ASPRV1: variants seen among roughly 807,000 people sequenced by gnomAD.
ASPRV1 encodes the protein aspartic peptidase retroviral like 1.
In ASPRV1, 7 loss-of-function variants were observed where a neutral mutation model predicts 11.0. The ratio of observed to expected loss-of-function variants is 0.64; its 90% CI spans 0.36 to 1.20. The LOEUF is 1.20. Ranked by LOEUF, ASPRV1 falls within the 50% of genes most tolerant of loss-of-function variation. The probability of loss-of-function intolerance (pLI) is 0.02; values close to 1 mark genes in which losing one functional copy is unlikely to be tolerated. For synonymous variants in ASPRV1, 136 were observed against 138.4 expected, an observed-to-expected ratio of 0.98 and a Z score of 0.12; for missense variants, 299 against 320.0, an observed-to-expected ratio of 0.93 and a Z score of 0.50.
chr2:70,083,410 G>C, the ASPRV1 span: 1 of 152,230 alleles, frequency 6.6e-6, no homozygotes, highest in Non-Finnish European at 1.5e-5. Flanking sequence ...AAGGTTTTAC[G>C]TGACATACCA....
the ASPRV1 span, among the ~76,000 whole-genome samples, chr2:70,015,072 C>T: frequency 1.3e-5 from 2 of 152,136 alleles, no homozygotes; most frequent in Non-Finnish European, 2.9e-5. Flanking sequence ...ATCAAAACCA[C>T]AAAGAATTAT....
At chr2:69,948,411 A>G in the ASPRV1 span, among the ~76,000 whole-genome samples, 5 of 152,306 alleles carry the variant, frequency 3.3e-5, no homozygotes, top group South Asian at 2.1e-4. Context: ...CAATACATCC[A>G]TTTGCAGTCG....
the ASPRV1 span, among the ~76,000 whole-genome samples, chr2:70,025,129 T>A: frequency 6.6e-6 from 1 of 152,230 alleles, no homozygotes; most frequent in African/African-American, 2.4e-5. Context: ...CCACTTGTAT[T>A]ATCTCAACAG....
At chr2:70,063,486 G>A in the ASPRV1 span, among the ~76,000 whole-genome samples, 1 of 148,534 alleles carries the variant, frequency 6.7e-6, no homozygotes, top group Non-Finnish European at 1.5e-5. Flanking sequence ...TCCTATGCCT[G>A]GTTCAGTGGG....
chr2:69,961,844 ACTAC>A (rs1278868017), upstream of ASPRV1: 1 of 744,902 alleles, frequency 1.3e-6, no homozygotes, highest in Admixed American at 2.5e-5. Flanking sequence ...TTGAAGGGGG[ACTAC>A]CCTGTACCCT....
At chr2:70,051,076 T>C in the ASPRV1 span, 1 of 152,232 alleles carries the variant, frequency 6.6e-6, no homozygotes, top group Non-Finnish European at 1.5e-5. Flanking sequence ...ATGAGTGCTA[T>C]GTTTCAGTTA....
chr2:69,950,146 A>G, the ASPRV1 span, among the ~76,000 whole-genome samples: 2 of 152,220 alleles, frequency 1.3e-5, no homozygotes, highest in African/African-American at 2.4e-5. Context: ...TGCATAAAAC[A>G]TAAAGGTGCT....
chr2:69,937,202 G>A, the ASPRV1 span: 1 of 1,611,010 alleles, frequency 6.2e-7, no homozygotes, highest in Admixed American at 1.7e-5. Context: ...AGATCTCCCT[G>A]TGGGGCCCAA....
the ASPRV1 span, among the ~76,000 whole-genome samples, chr2:69,952,487 C>A: frequency 7.0e-6 from 1 of 142,230 alleles, no homozygotes. Flanking sequence ...CCTGGCACGA[C>A]ACAGCAAGAT....
At chr2:70,085,300 G>A in the ASPRV1 span, among the ~76,000 whole-genome samples, 1 of 152,234 alleles carries the variant, frequency 6.6e-6, no homozygotes, top group Non-Finnish European at 1.5e-5. Flanking sequence ...CCTCTGGGCA[G>A]GCTGAATCAC....
the ASPRV1 span, chr2:69,935,557 C>G: frequency 1.2e-6 from 1 of 807,348 alleles, no homozygotes; most frequent in African/African-American, 1.7e-5. Flanking sequence ...CTCCCCTGAA[C>G]TCCTCCAGTC....
chr2:69,978,503 C>T, the ASPRV1 span, among the ~76,000 whole-genome samples: 3 of 152,162 alleles, frequency 2.0e-5, no homozygotes, highest in Admixed American at 6.5e-5. Context: ...AGCAGTTATG[C>T]GGATTAAAGG....
the ASPRV1 span, among the ~76,000 whole-genome samples, chr2:70,077,612 G>C: frequency 1.3e-5 from 2 of 152,122 alleles, no homozygotes; most frequent in African/African-American, 2.4e-5. Context: ...CCAGCACTTT[G>C]GGAGGCCGAG....
At chr2:70,032,240 A>T in the ASPRV1 span, 8 of 152,228 alleles carry the variant, frequency 5.3e-5, no homozygotes, top group African/African-American at 1.9e-4. Context: ...TTCTTCTATC[A>T]ACCAGGTCCT....
At chr2:69,943,578 A>C in the ASPRV1 span, among the ~76,000 whole-genome samples, 13 of 152,202 alleles carry the variant, frequency 8.5e-5, no homozygotes, top group Non-Finnish European at 5.9e-5. Flanking sequence ...CTGAGAGGAG[A>C]GAGGCATTGG....
the ASPRV1 span, among the ~76,000 whole-genome samples, chr2:69,943,510 C>A: frequency 6.6e-6 from 1 of 152,054 alleles, no homozygotes; most frequent in African/African-American, 2.4e-5. Flanking sequence ...CGTGGGGCTG[C>A]GGTGTGGCCT....
chr2:70,043,164 T>G, the ASPRV1 span, among the ~76,000 whole-genome samples: 1 of 152,180 alleles, frequency 6.6e-6, no homozygotes, highest in Non-Finnish European at 1.5e-5. Context: ...AAAAAAGCTG[T>G]ATGCCTTCTT....
chr2:70,008,754 G>A, the ASPRV1 span, among the ~76,000 whole-genome samples: 35 of 152,066 alleles, frequency 2.3e-4, no homozygotes, highest in African/African-American at 8.2e-4. Context: ...CCCCTGGCTA[G>A]CCCTACCATA....
the ASPRV1 span, among the ~76,000 whole-genome samples, chr2:70,036,184 A>G: frequency 6.6e-6 from 1 of 151,954 alleles, no homozygotes; most frequent in Non-Finnish European, 1.5e-5. Context: ...GTGGGCAGAA[A>G]AAGAGACACC....
Sources: allele counts gnomAD v4.1 joint callset (sites outside exome capture counted in the v4.1 genomes callset), GRCh38; gene constraint gnomAD v4.1.1; transcripts MANE v1.5; gene names NCBI Gene and HGNC (gene_info 2026-07-23, HGNC 2026-07-21).